Variants in NVL observed in about 807,000 individuals in gnomAD.
NVL encodes nuclear valosin-containing protein-like.
A neutral mutation model predicts 110.2 loss-of-function variants in NVL; 84 were observed. The ratio of observed to expected loss-of-function variants is 0.76; its 90% confidence interval spans 0.64 to 0.91. The LOEUF (loss-of-function observed/expected upper bound fraction) is 0.91, where lower values mean the gene tolerates loss of function less well. Among genes scored for constraint, NVL ranks in the 40% least tolerant of loss-of-function variants. The pLI, the probability that NVL is intolerant of heterozygous loss-of-function variation, is 0.00. For missense variants in NVL, 882 were observed against 1,035.9 expected, an observed-to-expected ratio of 0.85 and a Z score of 2.04; for synonymous variants, 354 against 361.1, an observed-to-expected ratio of 0.98 and a Z score of 0.22.
At chr1:224,313,092 A>G in intron 4 of NVL, 1 of 393,686 alleles carries the variant, frequency 2.5e-6, no homozygotes, top group Non-Finnish European at 5.2e-6. Context: ...CTGGGACGTC[A>G]AGACTGCGGT....
At position 224,294,327 on chromosome 1, in the gene NVL, C is replaced by T. The variant is rs746278047; in HGVS notation, c.1265G>A (p.Arg422His). 8.8e-5 allele frequency: 142 copies of T among 1,613,970 alleles called. No individual in the cohort carries two copies. Among genetic ancestry groups the T allele is most frequent in the Non-Finnish European group, 1.1e-4 (130 of 1,180,036 alleles). ...TATTTCTCGGTCGAACCTTCCCGCA[C>T]GTCTCAAAGCAGGGTCTAACGAGTC... ...RPDSLDPALR[R>H]AGRFDREICL... The change falls in exon 12 of 23, where the codon CGT becomes CAT. Residue 422 changes from arginine (R) to histidine (H), a missense_variant. Coordinates refer to ENST00000281701, the MANE Select transcript of NVL (RefSeq NM_002533.4).
At chr1:224,276,287 G>A (rs909479481) in intron 16 of NVL, among the ~76,000 whole-genome samples, 6 of 152,146 alleles carry the variant, frequency 3.9e-5, no homozygotes, top group Non-Finnish European at 8.8e-5. Flanking sequence ...CCAGACAGGA[G>A]TGCAGTGGAG....
chr1:224,266,872 T>C (rs1218345042), intron 18 of NVL, among the ~76,000 whole-genome samples: 2 of 152,240 alleles, frequency 1.3e-5, no homozygotes, highest in Non-Finnish European at 1.5e-5. Context: ...TCATTTAACT[T>C]TTGTGGCAAT....
chr1:224,300,295 A>G (rs112149548), intron 10 of NVL, among the ~76,000 whole-genome samples: 182 of 152,380 alleles, frequency 1.2e-3, no homozygotes, highest in Non-Finnish European at 2.2e-3. Context: ...TATATTTTCA[A>G]CATATGACTA....
chr1:224,237,914 A>G (rs1470304012), intron 19 of NVL, among the ~76,000 whole-genome samples: 2 of 146,354 alleles, frequency 1.4e-5, no homozygotes, highest in Admixed American at 7.0e-5. Flanking sequence ...TGATCGCACC[A>G]TTGCACTCCA....
rs184046564 is a variant in NVL, at chr1:224,325,532, G to A, written c.131+859C>T. 3.5e-3 allele frequency among the ~76,000 whole-genome samples: 536 copies of A among 151,226 alleles called. 4 individuals carry two copies. The highest frequency in any genetic ancestry group is 0.012 in the African/African-American group (501 of 41,184). The stretch of plus-strand genomic sequence containing the variant: ...GCGGATCACCTGAGGTCAGGAGTTC[G>A]AGACCAGCCTGGCCAACATGGTGAA... On this transcript the variant is annotated intron_variant, in intron 2 of 22. Transcript: ENST00000281701.
At position 224,255,182 on chromosome 1, in the gene NVL, G is replaced by GTTTTT. The variant is rs34120278; in HGVS notation, c.2183-4869_2183-4865dup. On this transcript the variant is annotated intron_variant, in intron 18 of 22. Coordinates refer to ENST00000281701, the MANE Select transcript of NVL (RefSeq NM_002533.4). ...ATGTGCCTGGCCCAAAATGGTGTAG[G>GTTTTT]TTTTTTTTTTTTTTTTTTTTTTCCT... Among the ~76,000 whole-genome samples the GTTTTT allele has an allele frequency of 3.5e-4, 34 of 96,688 alleles. 2 individuals carry two copies. The highest frequency in any genetic ancestry group is 7.6e-4 in the South Asian group (2 of 2,626). 63.4% of individuals were successfully genotyped at this position (96,688 alleles called of 152,430 possible).
chr1:224,330,035 G>A, intron 1 of NVL, 36 bp downstream of exon 1: 1 of 1,608,602 alleles, frequency 6.2e-7, no homozygotes, highest in Non-Finnish European at 8.5e-7. Flanking sequence ...CAGCGATCGG[G>A]GCCCTTGGCG....
intron 6 of NVL, among the ~76,000 whole-genome samples, chr1:224,306,359 C>T (rs2001713): frequency 0.067 from 10,139 of 152,068 alleles, 435 homozygotes; most frequent in African/African-American, 0.11. Context: ...CTCCGCCTGC[C>T]GGGTTCACGT....
intron 11 of NVL, among the ~76,000 whole-genome samples, chr1:224,295,194 GTTC>G (rs1667755462): frequency 6.6e-6 from 1 of 151,352 alleles, no homozygotes; most frequent in Middle Eastern, 3.4e-3. Context: ...TATACAGTGT[GTTC>G]TTTTTTTTTT....
Position 224,273,064 on chromosome 1 carries a change from A to C in NVL, c.2082+2275T>G, listed in dbSNP as rs773689267. ...AAAACAAAAAAAACAAACAAACAAAAAAAAACACAACAAAAACACAAGAAA... is the reference window on the plus strand; with the variant it reads ...AAAACAAAAAAAACAAACAAACAAACAAAAACACAACAAAAACACAAGAAA... On this transcript the variant is annotated intron_variant, in intron 17 of 22. Coordinates refer to ENST00000281701, the MANE Select transcript of NVL (RefSeq NM_002533.4). 7.0e-4 allele frequency among the ~76,000 whole-genome samples: 104 copies of C among 148,462 alleles called. 3 individuals are homozygous for C. Among genetic ancestry groups the C allele is most frequent in the Non-Finnish European group, 1.1e-3 (72 of 67,714 alleles).
At position 224,289,404 on chromosome 1, in the gene NVL, A is replaced by G. The variant is rs758356037; in HGVS notation, c.1575+80T>C. ...ATAAAACAGAAAGTAATGAACCTCA[A>G]TTGTATTGACCCTTGCTTCAATGTA... On this transcript the variant is annotated intron_variant, in intron 13 of 22. Coordinates refer to ENST00000281701, the MANE Select transcript of NVL (RefSeq NM_002533.4). 593 of 1,446,286 alleles carry G rather than the reference A, an allele frequency of 4.1e-4. 5 individuals carry two copies. Among genetic ancestry groups the G allele is most frequent in the Non-Finnish European group, 9.4e-5 (100 of 1,063,430 alleles). 89.6% of individuals were successfully genotyped at this position (1,446,286 alleles called of 1,614,324 possible). A position where few individuals can be genotyped will look rare whatever the true frequency, so the allele number is the denominator to read the frequency against.
Position 224,311,795 on chromosome 1 carries a change from C to T in NVL, c.342+5G>A. On this transcript the variant is annotated splice_donor_5th_base_variant and intron_variant, in intron 5 of 22. Coordinates refer to ENST00000281701, the MANE Select transcript of NVL (RefSeq NM_002533.4). ...CTAAGTGGACCCACTAAATGTTTGG[C>T]TTACCTGTGGATCTGGGTAGTCTTC... The T allele has an allele frequency of 1.2e-6, 2 of 1,612,086 alleles. No homozygotes were observed. The highest frequency in any genetic ancestry group is 1.1e-5 in the South Asian group (1 of 91,016).
intron 17 of NVL, among the ~76,000 whole-genome samples, chr1:224,274,562 A>T (rs1296802699): frequency 6.6e-6 from 1 of 150,684 alleles, no homozygotes; most frequent in African/African-American, 2.4e-5. Context: ...GCTTGAACCC[A>T]GGAGGCGGAA....
At chr1:224,261,988 A>C (rs1278536112) in intron 18 of NVL, among the ~76,000 whole-genome samples, 1 of 152,152 alleles carries the variant, frequency 6.6e-6, no homozygotes, top group Non-Finnish European at 1.5e-5. Flanking sequence ...AATTAAATAA[A>C]AGAAGAGGGC....
chr1:224,274,645 T>C (rs909162711), intron 17 of NVL, among the ~76,000 whole-genome samples: 1 of 151,986 alleles, frequency 6.6e-6, no homozygotes, highest in African/African-American at 2.4e-5. Context: ...TCGAAAAAAA[T>C]AAAAATAAAA....
chr1:224,227,611 C>T lies in NVL; in HGVS notation c.*15G>A, dbSNP rs188400054. 55 of 1,606,262 alleles carry T rather than the reference C, an allele frequency of 3.4e-5. No homozygotes were observed. In the Admixed American group the frequency reaches 4.2e-4, roughly 12 times the overall value. ...GCTTGATGGGCTAGCTCCTCTAAGC[C>T]GGCTGCTGGAGACATCACCGGCTGA... is the stretch of plus-strand genomic sequence containing the variant. On this transcript the variant is annotated 3_prime_UTR_variant, in exon 23 of 23. Transcript: ENST00000281701.
intron 9 of NVL, among the ~76,000 whole-genome samples, chr1:224,301,030 T>A (rs1404903741): frequency 1.3e-5 from 2 of 151,206 alleles, no homozygotes; most frequent in Non-Finnish European, 2.9e-5. Context: ...TGCTTGAACC[T>A]GGGAGGCGGA....
At chr1:224,325,282 A>C (rs1671035280) in intron 2 of NVL, among the ~76,000 whole-genome samples, 1 of 151,342 alleles carries the variant, frequency 6.6e-6, no homozygotes, top group African/African-American at 2.4e-5. Context: ...AAAAAGACTC[A>C]GGAAGCTGGC....
Sources: gnomAD v4.1 joint callset for allele counts (sites outside exome capture counted in the v4.1 genomes callset) on GRCh38, gnomAD v4.1.1 for gene constraint, MANE v1.5 for transcripts, NCBI Gene and HGNC (gene_info 2026-07-23, HGNC 2026-07-21) for gene names.